Variants in CXCL13 observed in about 807,000 individuals in gnomAD.
The protein encoded by CXCL13 is C-X-C motif chemokine 13.
A neutral mutation model predicts 12.2 loss-of-function variants in CXCL13; 7 were observed. That is an observed-to-expected ratio of 0.57 (90% CI 0.33 to 1.07). CXCL13 has a LOEUF of 1.07. Among genes scored for constraint, CXCL13 ranks in the 50% least tolerant of loss-of-function variants. CXCL13 has a pLI of 0.04. For missense variants in CXCL13, 113 were observed against 127.4 expected, an observed-to-expected ratio of 0.89 and a Z score of 0.55; for synonymous variants, 47 against 42.4, an observed-to-expected ratio of 1.11 and a Z score of -0.42.
chr4:77,585,499 C>T (rs375729054), intron 1 of CXCL13, among the ~76,000 whole-genome samples: 5 of 152,132 alleles, frequency 3.3e-5, no homozygotes, highest in East Asian at 3.8e-4. Flanking sequence ...TGCACAAAAA[C>T]GAGAACTAGC....
intron 1 of CXCL13, among the ~76,000 whole-genome samples, chr4:77,584,620 A>T (rs541382898): frequency 1.1e-3 from 173 of 152,278 alleles, no homozygotes; most frequent in African/African-American, 4.1e-3. Flanking sequence ...GCTGAATTTG[A>T]GTTTCTAGGG....
At chr4:77,587,939 C>T (rs2109828925) in intron 1 of CXCL13, among the ~76,000 whole-genome samples, 1 of 152,328 alleles carries the variant, frequency 6.6e-6, no homozygotes. Context: ...GGAGGCAGCC[C>T]TCACAAGTGA....
At chr4:77,534,581 G>T (rs1031549814) in intron 1 of CXCL13, among the ~76,000 whole-genome samples, 6 of 152,204 alleles carry the variant, frequency 3.9e-5, no homozygotes, top group Non-Finnish European at 7.3e-5. Context: ...ATAATTGTCA[G>T]ATCTCTTTCT....
intron 1 of CXCL13, among the ~76,000 whole-genome samples, chr4:77,589,653 G>A (rs181206897): frequency 4.9e-4 from 75 of 152,236 alleles, no homozygotes; most frequent in African/African-American, 1.8e-3. Flanking sequence ...TAAGGTGGGG[G>A]GACTACTATC....
At chr4:77,514,140 A>C (rs1232777046) in intron 1 of CXCL13, among the ~76,000 whole-genome samples, 4 of 151,748 alleles carry the variant, frequency 2.6e-5, no homozygotes, top group African/African-American at 4.8e-5. Context: ...TGAACTCATC[A>C]TTTTTTATGG....
rs1030266427 is a variant in CXCL13 at position 77,515,100 on chromosome 4, A to G, written c.-43+3312A>G. Among the ~76,000 whole-genome samples, 363 of 152,292 alleles carry G rather than the reference A, an allele frequency of 2.4e-3. 1 individual carries two copies. The highest frequency in any genetic ancestry group is 8.0e-3 in the African/African-American group (334 of 41,548). ...ATTGCTTGTTTTTGTCAGGTTTGTC[A>G]AAGATCAGATGGTTGTAGATATGCG... On this transcript the variant is annotated intron_variant, in intron 1 of 4. Transcript: ENST00000286758.
intron 1 of CXCL13, among the ~76,000 whole-genome samples, chr4:77,528,726 G>A (rs904972319): frequency 3.3e-5 from 5 of 152,148 alleles, no homozygotes; most frequent in African/African-American, 1.2e-4. Flanking sequence ...CATTCTGTAG[G>A]TTGCCTGTTC....
chr4:77,546,759 T>A (rs546694694), intron 1 of CXCL13, among the ~76,000 whole-genome samples: 3 of 152,252 alleles, frequency 2.0e-5, no homozygotes, highest in East Asian at 1.9e-4. Flanking sequence ...CTCTGATCTT[T>A]GTTATTCCTT....
Position 77,545,653 on chromosome 4 carries a change from A to G in CXCL13, c.-43+33865A>G, listed in dbSNP as rs536206119. Among the ~76,000 whole-genome samples the G allele has an allele frequency of 5.5e-4, 84 of 152,278 alleles. 1 individual carries two copies. The highest frequency in any genetic ancestry group is 1.7e-3 in the African/African-American group (72 of 41,550). On this transcript the variant is annotated intron_variant, in intron 1 of 4. Coordinates refer to the CXCL13 transcript ENST00000286758. ...CAGCTTAAGGAGATTTTGGGCTGAGATGACGGGGTTTTCTAAATATACAAT... is the reference window on the plus strand; with the variant it reads ...CAGCTTAAGGAGATTTTGGGCTGAGGTGACGGGGTTTTCTAAATATACAAT...
At chr4:77,531,506 A>G (rs886196195) in intron 1 of CXCL13, among the ~76,000 whole-genome samples, 2 of 152,042 alleles carry the variant, frequency 1.3e-5, no homozygotes, top group African/African-American at 4.8e-5. Flanking sequence ...GTGATGCTGA[A>G]AAGAATGTAT....
At chr4:77,607,203 A>G (rs1199476583) in intron 1 of CXCL13, among the ~76,000 whole-genome samples, 1 of 152,212 alleles carries the variant, frequency 6.6e-6, no homozygotes, top group Admixed American at 6.5e-5. Context: ...TTTATATTGC[A>G]TTAATTATAA....
At chr4:77,591,889 T>C (rs892305035) in intron 1 of CXCL13, among the ~76,000 whole-genome samples, 2 of 152,246 alleles carry the variant, frequency 1.3e-5, no homozygotes, top group Admixed American at 1.3e-4. Flanking sequence ...GAGAACTTAT[T>C]CTTCTTTAAC....
At chr4:77,590,189 A>T (rs527850033) in intron 1 of CXCL13, among the ~76,000 whole-genome samples, 1 of 152,204 alleles carries the variant, frequency 6.6e-6, no homozygotes, top group African/African-American at 2.4e-5. Flanking sequence ...CTAAATTTAT[A>T]TATAAATTGC....
intron 1 of CXCL13, among the ~76,000 whole-genome samples, chr4:77,520,295 T>G (rs1302625814): frequency 6.6e-6 from 1 of 152,200 alleles, no homozygotes; most frequent in Non-Finnish European, 1.5e-5. Flanking sequence ...AACCTATAAA[T>G]TACCTTGGGC....
chr4:77,533,656 C>T (rs1489186613), intron 1 of CXCL13, among the ~76,000 whole-genome samples: 3 of 152,168 alleles, frequency 2.0e-5, no homozygotes, highest in Non-Finnish European at 2.9e-5. Context: ...GGTAGGCAGG[C>T]CTCCTTGAGC....
At chr4:77,560,876 T>A (rs1725795475) in intron 1 of CXCL13, among the ~76,000 whole-genome samples, 1 of 152,230 alleles carries the variant, frequency 6.6e-6, no homozygotes, top group Non-Finnish European at 1.5e-5. Context: ...TCTCTAATAA[T>A]GATATAATTT....
At chr4:77,511,869 A>G (rs1724282042) in intron 1 of CXCL13, 1 of 152,094 alleles carries the variant, frequency 6.6e-6, no homozygotes, top group South Asian at 2.1e-4. Flanking sequence ...ATTCTTTTTG[A>G]ACTGGGGCAG....
At chr4:77,599,796 A>C (rs1289044022) in intron 1 of CXCL13, among the ~76,000 whole-genome samples, 1 of 152,196 alleles carries the variant, frequency 6.6e-6, no homozygotes. Flanking sequence ...TTCTGGCTGC[A>C]GTGTGGAAAG....
chr4:77,524,732 G>T (rs984850712), intron 1 of CXCL13, among the ~76,000 whole-genome samples: 4 of 152,094 alleles, frequency 2.6e-5, no homozygotes, highest in African/African-American at 9.7e-5. Context: ...TGCATCCACT[G>T]TCCAACCAGT....
Sources: gnomAD v4.1 joint callset for allele counts (sites outside exome capture counted in the v4.1 genomes callset) on GRCh38, gnomAD v4.1.1 for gene constraint, MANE v1.5 for transcripts, NCBI Gene and HGNC (gene_info 2026-07-23, HGNC 2026-07-21) for gene names.